The following PIK3C2G variants were observed in gnomAD, a reference collection of about 807,000 sequenced individuals.
PIK3C2G encodes the protein phosphatidylinositol-4-phosphate 3-kinase catalytic subunit type 2 gamma, also known as phosphatidylinositol 3-kinase C2 domain-containing subunit gamma.
A neutral mutation model predicts 181.1 loss-of-function variants in PIK3C2G; 168 were observed. That is an observed-to-expected ratio of 0.93 (90% CI 0.82 to 1.05). The LOEUF (loss-of-function observed/expected upper bound fraction) is 1.05. Among genes scored for constraint, PIK3C2G ranks in the 50% least tolerant of loss-of-function variants. The pLI, the probability that PIK3C2G is intolerant of heterozygous loss-of-function variation, is 0.00. For missense variants in PIK3C2G, 1,869 were observed against 1,732.8 expected, an observed-to-expected ratio of 1.08 and a Z score of -1.40; for synonymous variants, 573 against 592.2, an observed-to-expected ratio of 0.97 and a Z score of 0.47.
At chr12:18,458,061 ACTT>A (rs1947723855) in intron 18 of PIK3C2G, among the ~76,000 whole-genome samples, 1 of 152,198 alleles carries the variant, frequency 6.6e-6, no homozygotes, top group South Asian at 2.1e-4. Context: ...TGAAATTTAA[ACTT>A]CTTAAGTTTT....
At chr12:18,275,530 C>T (rs1336319703) in intron 1 of PIK3C2G, among the ~76,000 whole-genome samples, 5 of 152,040 alleles carry the variant, frequency 3.3e-5, no homozygotes, top group African/African-American at 9.7e-5. Flanking sequence ...TACAGGCGTC[C>T]GCCACCACGC....
chr12:18,388,594 A>C (rs746330858), intron 14 of PIK3C2G, among the ~76,000 whole-genome samples: 1 of 152,194 alleles, frequency 6.6e-6, no homozygotes, highest in South Asian at 2.1e-4. Flanking sequence ...TATAATACCA[A>C]CCTACGCACA....
intron 18 of PIK3C2G, among the ~76,000 whole-genome samples, chr12:18,427,868 CTGTT>C (rs1375921601): frequency 6.6e-6 from 1 of 151,760 alleles, no homozygotes; most frequent in Non-Finnish European, 1.5e-5. Context: ...TATAAATGGA[CTGTT>C]TGTTTTGAGA....
chr12:18,554,401 C>G (rs901477648), intron 26 of PIK3C2G, among the ~76,000 whole-genome samples: 1 of 152,030 alleles, frequency 6.6e-6, no homozygotes, highest in African/African-American at 2.4e-5. Context: ...CCCAAGGATT[C>G]ATGTGACATA....
At chr12:18,445,067 T>C (rs1389379639) in intron 18 of PIK3C2G, among the ~76,000 whole-genome samples, 1 of 152,098 alleles carries the variant, frequency 6.6e-6, no homozygotes, top group Non-Finnish European at 1.5e-5. Context: ...GAATGGTGTT[T>C]GGATGGCCAG....
At chr12:18,699,786 A>T in the PIK3C2G span, 1 of 1,612,518 alleles carries the variant, frequency 6.2e-7, no homozygotes. Context: ...TGAGTCACAA[A>T]AATTTACCTC....
At chr12:18,468,395 C>T (rs545421392) in intron 18 of PIK3C2G, among the ~76,000 whole-genome samples, 1 of 152,172 alleles carries the variant, frequency 6.6e-6, no homozygotes, top group South Asian at 2.1e-4. Context: ...TCCTGACATA[C>T]TCTATTCACC....
intron 3 of PIK3C2G, among the ~76,000 whole-genome samples, chr12:18,289,930 A>G (rs890816865): frequency 6.6e-5 from 10 of 152,232 alleles, no homozygotes; most frequent in South Asian, 2.1e-4. Flanking sequence ...AACATTTTAA[A>G]TATCCACTTG....
At chr12:18,707,544 T>A in the PIK3C2G span, among the ~76,000 whole-genome samples, 7 of 152,170 alleles carry the variant, frequency 4.6e-5, no homozygotes, top group Non-Finnish European at 1.0e-4. Context: ...CCCCATTTCC[T>A]TACCAAAGGC....
At chr12:18,272,860 G>C (rs1948801053) in intron 1 of PIK3C2G, among the ~76,000 whole-genome samples, 1 of 152,082 alleles carries the variant, frequency 6.6e-6, no homozygotes, top group African/African-American at 2.4e-5. Context: ...GGTCCACCAA[G>C]CAACCCTGCT....
chr12:18,404,169 A>C (rs1055210518), intron 16 of PIK3C2G, among the ~76,000 whole-genome samples: 2 of 152,142 alleles, frequency 1.3e-5, no homozygotes, highest in Non-Finnish European at 2.9e-5. Flanking sequence ...AAACCATTGT[A>C]TTCTTTATTG....
At chr12:18,509,745 A>T (rs1019665578) in intron 24 of PIK3C2G, among the ~76,000 whole-genome samples, 1 of 152,228 alleles carries the variant, frequency 6.6e-6, no homozygotes, top group Non-Finnish European at 1.5e-5. Context: ...AGTTATGATT[A>T]TGAAGGATTT....
intron 12 of PIK3C2G, among the ~76,000 whole-genome samples, chr12:18,370,114 T>C (rs940262095): frequency 6.6e-6 from 1 of 152,100 alleles, no homozygotes; most frequent in African/African-American, 2.4e-5. Context: ...TTCTATACAA[T>C]TGAGATGACT....
intron 8 of PIK3C2G, among the ~76,000 whole-genome samples, chr12:18,337,286 T>C (rs1178704271): frequency 1.3e-5 from 2 of 152,150 alleles, no homozygotes; most frequent in Admixed American, 1.3e-4. Flanking sequence ...AAATAAATGC[T>C]TATTTAAGAA....
At chr12:18,535,028 T>A (rs1943774774) in intron 24 of PIK3C2G, among the ~76,000 whole-genome samples, 1 of 152,064 alleles carries the variant, frequency 6.6e-6, no homozygotes, top group African/African-American at 2.4e-5. Flanking sequence ...AGAGATCAAA[T>A]TTAGAATATT....
At chr12:18,463,261 A>G (rs897640484) in intron 18 of PIK3C2G, among the ~76,000 whole-genome samples, 5 of 152,188 alleles carry the variant, frequency 3.3e-5, no homozygotes, top group Non-Finnish European at 7.3e-5. Flanking sequence ...ATTTTCATGC[A>G]TACTTATAGT....
chr12:18,318,866 G>A (rs889540683), intron 6 of PIK3C2G, among the ~76,000 whole-genome samples: 6 of 150,932 alleles, frequency 4.0e-5, no homozygotes, highest in Admixed American at 6.6e-5. Context: ...AGGCCGAGGT[G>A]GGCAGATCAC....
chr12:18,300,722 C>G (rs919139396), intron 5 of PIK3C2G, among the ~76,000 whole-genome samples: 1 of 151,990 alleles, frequency 6.6e-6, no homozygotes, highest in African/African-American at 2.4e-5. Context: ...AGCACTGCCA[C>G]TTGGTGGTTT....
chr12:18,618,526 A>G (rs1345916010), intron 31 of PIK3C2G, among the ~76,000 whole-genome samples: 1 of 152,222 alleles, frequency 6.6e-6, no homozygotes, highest in Non-Finnish European at 1.5e-5. Context: ...TAAACAGCAC[A>G]GAGTTTCCAC....
Sources: allele counts gnomAD v4.1 joint callset (sites outside exome capture counted in the v4.1 genomes callset), GRCh38; gene constraint gnomAD v4.1.1; transcripts MANE v1.5; gene names NCBI Gene and HGNC (gene_info 2026-07-23, HGNC 2026-07-21).